CLPB: variants seen among roughly 807,000 people sequenced by gnomAD.
The protein encoded by CLPB is ClpB family mitochondrial disaggregase, also known as mitochondrial disaggregase.
CLPB carries 40 observed loss-of-function variants against 78.4 expected under a neutral mutation model. The observed-to-expected ratio is 0.51, with a 90% CI of 0.40 to 0.66. CLPB has a LOEUF of 0.66. CLPB is among the 30% of genes least tolerant of loss of function. CLPB has a pLI of 0.00. For missense variants in CLPB, 780 were observed against 886.9 expected (o/e 0.88, Z 1.53); for synonymous variants, 333 against 348.0 (o/e 0.96, Z 0.48).
intron 2 of CLPB, among the ~76,000 whole-genome samples, chr11:72,406,379 C>G (rs1590906875): frequency 6.6e-6 from 1 of 152,120 alleles, no homozygotes; most frequent in Admixed American, 6.5e-5. Flanking sequence ...CCCTGAAGGG[C>G]CGAGTGCAGT....
At chr11:72,338,678 T>C (rs1245875793) in intron 5 of CLPB, among the ~76,000 whole-genome samples, 2 of 152,204 alleles carry the variant, frequency 1.3e-5, no homozygotes, top group African/African-American at 4.8e-5. Flanking sequence ...ACCGCTAGAG[T>C]TATTACCTGA....
At chr11:72,304,167 C>T (rs959542145) in intron 9 of CLPB, 4 of 152,182 alleles carry the variant, frequency 2.6e-5, no homozygotes, top group Admixed American at 2.0e-4. Context: ...CTTTCTTGGC[C>T]GGAATCATCA....
chr11:72,325,589 A>G (rs1950120275), intron 6 of CLPB, among the ~76,000 whole-genome samples: 1 of 152,212 alleles, frequency 6.6e-6, no homozygotes, highest in African/African-American at 2.4e-5. Context: ...TAAATGATGC[A>G]TTTTAAAGGG....
At chr11:72,428,060 G>A (rs191087313) in intron 2 of CLPB, among the ~76,000 whole-genome samples, 1 of 152,194 alleles carries the variant, frequency 6.6e-6, no homozygotes, top group Admixed American at 6.5e-5. Flanking sequence ...GGCTCTGTTC[G>A]CAGGAAGAAC....
chr11:72,340,158 T>C (rs1442664078), intron 5 of CLPB, among the ~76,000 whole-genome samples: 1 of 152,184 alleles, frequency 6.6e-6, no homozygotes, highest in African/African-American at 2.4e-5. Flanking sequence ...GCCGTTACCT[T>C]ATTGCACTCG....
At chr11:72,363,168 G>T (rs1456005463) in intron 4 of CLPB, among the ~76,000 whole-genome samples, 2 of 146,750 alleles carry the variant, frequency 1.4e-5, no homozygotes, top group East Asian at 2.1e-4. Context: ...AAAAAAAAGA[G>T]AAAGTAAAAG....
rs1949391780 is a variant in CLPB at position 72,286,450 on chromosome 11, T to G, written c.*6917A>C. 6.6e-6 allele frequency: 1 copy of G among 151,384 alleles called. No individual in the cohort carries two copies. The allele number at this position is 151,384 out of a possible 1,614,324, so 9.4% of individuals were successfully genotyped here. ...CAATACAAAGAATTCATGTACATCA[T>G]TCCCTCAGATTTCCCAAATGTTAAC... On this transcript the variant is annotated 3_prime_UTR_variant, in exon 16 of 16. Coordinates refer to ENST00000538039, the MANE Select transcript of CLPB (RefSeq NM_001258392.3).
chr11:72,398,089 C>T (rs1027289133), intron 3 of CLPB, among the ~76,000 whole-genome samples: 3 of 152,236 alleles, frequency 2.0e-5, no homozygotes, highest in Non-Finnish European at 4.4e-5. Flanking sequence ...CTGTTCTGGT[C>T]CACCAGACTT....
intron 5 of CLPB, among the ~76,000 whole-genome samples, chr11:72,347,632 G>A (rs1029343098): frequency 2.2e-4 from 33 of 152,204 alleles, no homozygotes; most frequent in African/African-American, 7.9e-4. Context: ...TCAAAAACAG[G>A]ATTAAAAATA....
At chr11:72,297,457 C>G (rs1949570367) in intron 11 of CLPB, among the ~76,000 whole-genome samples, 1 of 152,188 alleles carries the variant, frequency 6.6e-6, no homozygotes, top group Non-Finnish European at 1.5e-5. Flanking sequence ...CACAAGGGGC[C>G]TGGTAATCCA....
intron 5 of CLPB, chr11:72,337,057 T>C: frequency 2.5e-6 from 1 of 398,778 alleles, no homozygotes; most frequent in East Asian, 3.6e-5. Flanking sequence ...CATATCTTGG[T>C]TTAGTCTTCA....
chr11:72,329,991 A>G (rs550923961), intron 5 of CLPB, among the ~76,000 whole-genome samples, 187 bp from the exon 6 acceptor site: 1 of 152,340 alleles, frequency 6.6e-6, no homozygotes, highest in South Asian at 2.1e-4. Context: ...CATACTACAC[A>G]CACGTAGATG....
At chr11:72,374,587 A>G (rs761804808) in intron 4 of CLPB, among the ~76,000 whole-genome samples, 10 of 152,242 alleles carry the variant, frequency 6.6e-5, no homozygotes, top group Non-Finnish European at 7.3e-5. Flanking sequence ...GACCCAGCTA[A>G]GTAGGCTTCT....
At position 72,401,236 on chromosome 11, in the gene CLPB, G is replaced by A. The variant is rs560333026; in HGVS notation, c.542+1730C>T. 5.9e-5 allele frequency among the ~76,000 whole-genome samples: 9 copies of A among 152,136 alleles called. No homozygotes were observed. In the South Asian group the frequency reaches 1.0e-3, roughly 18 times the overall value. Reference sequence around the variant, plus strand: ...GGGTGGATCACAAGGTCAGGAGATCGATACCATTCTGGCCAACATGGTGAA... The same window carrying A: ...GGGTGGATCACAAGGTCAGGAGATCAATACCATTCTGGCCAACATGGTGAA... On this transcript the variant is annotated intron_variant, in intron 3 of 15. Coordinates refer to ENST00000538039, the MANE Select transcript of CLPB (RefSeq NM_001258392.3).
At chr11:72,316,440 G>A (rs1949943761) in intron 7 of CLPB, among the ~76,000 whole-genome samples, 1 of 152,186 alleles carries the variant, frequency 6.6e-6, no homozygotes, top group Non-Finnish European at 1.5e-5. Flanking sequence ...CAGAGTCGGA[G>A]AACAAAGATG....
chr11:72,343,192 T>C (rs1433834738), intron 5 of CLPB, among the ~76,000 whole-genome samples: 1 of 152,214 alleles, frequency 6.6e-6, no homozygotes, highest in Admixed American at 6.5e-5. Context: ...CTCACTGGAA[T>C]GAGGTACACT....
At position 72,310,209 on chromosome 11, in the gene CLPB, G is replaced by A. The variant is rs1039861457; in HGVS notation, c.989-1605C>T. Among the ~76,000 whole-genome samples the A allele has an allele frequency of 3.9e-5, 6 of 152,256 alleles. 1 individual carries two copies. Among genetic ancestry groups the A allele is most frequent in the Admixed American group, 2.0e-4 (3 of 15,298 alleles). On this transcript the variant is annotated intron_variant, in intron 7 of 15. Coordinates refer to ENST00000538039, the MANE Select transcript of CLPB (RefSeq NM_001258392.3). ...TCTCTAATGTTCCTGCCTAAAATAC[G>A]ACTTTCTCTCTACTTCTGGCCTCAG... is the stretch of plus-strand genomic sequence containing the variant.
rs759834005 is a variant in CLPB at position 72,312,118 on chromosome 11, T to G, written c.989-3514A>C. ...AGCTGACTGACTTTAAATAAAACAC[T>G]TATTCCTTTAGAGCCTCCGTTTCTT... On this transcript the variant is annotated intron_variant, in intron 7 of 15. Transcript: ENST00000538039. The surrounding 1 kb of genome is among the most constrained non-coding windows in gnomAD (Gnocchi z 4.2). 6.6e-6 allele frequency among the ~76,000 whole-genome samples: 1 copy of G among 152,168 alleles called. No homozygotes were observed. The highest frequency in any genetic ancestry group is 1.9e-4 in the East Asian group (1 of 5,196).
chr11:72,345,460 A>G (rs1950495889), intron 5 of CLPB, among the ~76,000 whole-genome samples: 2 of 152,230 alleles, frequency 1.3e-5, no homozygotes, highest in Admixed American at 6.5e-5. Context: ...GAAAAGTGAA[A>G]TAAGAGAACA....
Sources: allele counts gnomAD v4.1 joint callset (sites outside exome capture counted in the v4.1 genomes callset), GRCh38; gene constraint gnomAD v4.1.1; non-coding constraint Gnocchi (gnomAD v3.1); transcripts MANE v1.5; gene names NCBI Gene and HGNC (gene_info 2026-07-23, HGNC 2026-07-21).